The following MORC2 variants were observed in gnomAD, a reference collection of about 807,000 sequenced individuals.
MORC2 encodes the protein ATPase MORC2.
In MORC2, 30 loss-of-function variants were observed where a neutral mutation model predicts 136.0. That is an observed-to-expected ratio of 0.22 (90% CI 0.17 to 0.30). The LOEUF (loss-of-function observed/expected upper bound fraction) is 0.30, where lower values mean the gene tolerates loss of function less well. Ranked by LOEUF, MORC2 falls within the 10% of genes least tolerant of loss-of-function variation. MORC2 has a pLI of 1.00. For missense variants in MORC2, 922 were observed against 1,333.1 expected (o/e 0.69, Z 4.80); for synonymous variants, 439 against 487.0 (o/e 0.90, Z 1.30).
At chr22:30,949,018 A>ACACATTT (rs1244869311) in intron 5 of MORC2, among the ~76,000 whole-genome samples, 4 of 152,134 alleles carry the variant, frequency 2.6e-5, no homozygotes, top group African/African-American at 7.2e-5. Flanking sequence ...AAACAAAACA[A>ACACATTT]CACATTTCCA....
rs1020313674 is a variant in MORC2 at position 30,940,713 on chromosome 22, C to T, written c.904+45G>A. Reference sequence around the variant, plus strand: ...CCCACTTTGCCCACAAGCAGCATACCCCAGATGCACACCCCCCCAACTCCT... The same window carrying T: ...CCCACTTTGCCCACAAGCAGCATACTCCAGATGCACACCCCCCCAACTCCT... On this transcript the variant is annotated intron_variant, in intron 10 of 25. Transcript: ENST00000397641. The T allele has an allele frequency of 1.9e-6, 3 of 1,560,598 alleles. No homozygotes were observed. The African/African-American group carries it at 4.1e-5, about 21-fold the overall frequency.
intron 5 of MORC2, among the ~76,000 whole-genome samples, chr22:30,949,351 T>C (rs2040858590): frequency 6.6e-6 from 1 of 152,204 alleles, no homozygotes; most frequent in African/African-American, 2.4e-5. Context: ...GCACAAAGCA[T>C]GACATGCAGC....
At chr22:30,929,662 G>C (rs1360308298) in intron 24 of MORC2, among the ~76,000 whole-genome samples, 1 of 151,474 alleles carries the variant, frequency 6.6e-6, no homozygotes, top group Non-Finnish European at 1.5e-5. Context: ...GCAGGAGGCT[G>C]AGGCAGGAGA....
intron 17 of MORC2, among the ~76,000 whole-genome samples, chr22:30,935,738 G>A (rs2040643065): frequency 6.6e-6 from 1 of 152,004 alleles, no homozygotes; most frequent in South Asian, 2.1e-4. Flanking sequence ...AAATGGTTGT[G>A]TACTAAATAT....
intron 7 of MORC2, 42 bp from the exon 8 acceptor site, chr22:30,942,044 C>T (rs1451007557): frequency 1.2e-6 from 2 of 1,609,904 alleles, no homozygotes; most frequent in Middle Eastern, 3.3e-4. Context: ...TCCCCCGGCC[C>T]ACCCCCACAC....
At chr22:30,936,426 G>A in intron 17 of MORC2, 85 bp downstream of exon 17, 1 of 1,552,472 alleles carries the variant, frequency 6.4e-7, no homozygotes, top group African/African-American at 1.4e-5. Flanking sequence ...CTGAGCCTGA[G>A]GGAACAGGAA....
At chr22:30,930,019 A>T (rs536604262) in intron 24 of MORC2, 1 of 152,120 alleles carries the variant, frequency 6.6e-6, no homozygotes, top group Non-Finnish European at 1.5e-5. Context: ...CATCTGGCTA[A>T]TATTTTTTGT....
rs1193305312 is a variant in MORC2 at position 30,933,458 on chromosome 22, C to T, written c.2380+8G>A. ...GCCACAGGCTGCCAAGTCACTCCCC[C>T]AGCTCACCTTTCTGAGCTCTCTTGA... On this transcript the variant is annotated splice_region_variant and intron_variant, in intron 21 of 25. Coordinates refer to ENST00000397641, the MANE Select transcript of MORC2 (RefSeq NM_001303256.3). 3.1e-6 allele frequency: 5 copies of T among 1,613,664 alleles called. No homozygotes were observed. In the African/African-American group the frequency reaches 5.3e-5, roughly 17 times the overall value.
rs1368116984 is a variant in MORC2, at chr22:30,940,015, T to C, written c.931A>G (p.Ser311Gly). The change falls in exon 11 of 26, where the codon AGC becomes GGC. Residue 311 changes from serine (S) to glycine (G), a missense_variant. Ser to Gly is a moderately conservative substitution (Grantham distance 56). Around this residue, in one of 9 missense-constraint regions of MORC2, gnomAD observed 261 missense variants for 354.3 expected, o/e 0.74. Transcript: ENST00000397641. Reference sequence around the variant, plus strand: ...CGTACTTCTAATGTCCGAGCTTTGCTCTCTGCCTCCCGCGCCTTCTCTTCA... The same window carrying C: ...CGTACTTCTAATGTCCGAGCTTTGCCCTCTGCCTCCCGCGCCTTCTCTTCA... ...IAEEKAREAE[S>G]KARTLEVRLG... is the part of the protein sequence containing the mutation. 1.2e-6 allele frequency: 2 copies of C among 1,613,868 alleles called. No individual in the cohort carries two copies. Among genetic ancestry groups the C allele is most frequent in the Non-Finnish European group, 1.7e-6 (2 of 1,180,030 alleles).
chr22:30,935,125 G>C lies in MORC2; in HGVS notation c.1849C>G (p.Pro617Ala). 6.2e-7 allele frequency: 1 copy of C among 1,613,612 alleles called. No individual in the cohort carries two copies. Among genetic ancestry groups the C allele is most frequent in the Non-Finnish European group, 8.5e-7 (1 of 1,179,792 alleles). ...GCGTTCCTGATCACAGCAGGTAAAG[G>C]GGGCGACCGAGGACGCTGAGGTCTA... ...VRRPQRPRSP[P>A]LPAVIRNAPS... Residue 617 changes from proline to alanine, a missense_variant, in exon 19 of 26, where the codon CCT (proline) becomes GCT (alanine). Physicochemically the swap from Pro to Ala is conservative, Grantham distance 27. This residue lies in a region of MORC2 where 184 missense variants were observed against 180.3 expected (regional missense o/e 1.02). Transcript: ENST00000397641.
At chr22:30,939,898 T>A (rs996091667) in intron 11 of MORC2, 61 bp downstream of exon 11, 17 of 1,546,800 alleles carry the variant, frequency 1.1e-5, no homozygotes, top group Non-Finnish European at 1.5e-5. Flanking sequence ...ACCAGGCTCA[T>A]GGGACATGGG....
intron 24 of MORC2, among the ~76,000 whole-genome samples, chr22:30,929,021 G>A (rs867137298): frequency 7.2e-5 from 11 of 152,190 alleles, no homozygotes; most frequent in East Asian, 3.8e-4. Context: ...GTTTACTTCT[G>A]TAAAGATGCA....
At chr22:30,931,691 A>C (rs2040577864) in intron 24 of MORC2, among the ~76,000 whole-genome samples, 1 of 152,176 alleles carries the variant, frequency 6.6e-6, no homozygotes, top group African/African-American at 2.4e-5. Flanking sequence ...CTTCCAACTC[A>C]GTTGCTCTCT....
Position 30,934,838 on chromosome 22 carries a change from G to C in MORC2, c.2136C>G (p.Pro712=), listed in dbSNP as rs1226210393. The C allele has an allele frequency of 6.2e-7, 1 of 1,614,026 alleles. No homozygotes were observed. Among genetic ancestry groups the C allele is most frequent in the Non-Finnish European group, 8.5e-7 (1 of 1,180,022 alleles). The change falls in exon 19 of 26, where the codon CCC becomes CCG. Residue 712 remains proline (P), a synonymous_variant. Transcript: ENST00000397641. This position sits in a 1 kb window ranked among gnomAD's most constrained non-coding sequence, Gnocchi z 4.4. The part of the protein sequence containing the change: ...NSKSPREVPS[P]KVIKTPVVKK... ...TCACCACTGGAGTCTTGATGACTTT[G>C]GGAGAAGGAACCTCCCGAGGGCTCT...
At chr22:30,939,566 A>T in intron 12 of MORC2, 55 bp downstream of exon 12, 2 of 1,560,874 alleles carry the variant, frequency 1.3e-6, no homozygotes, top group Non-Finnish European at 1.8e-6. Flanking sequence ...CCTGTCAATA[A>T]TCAGTCCAAA....
intron 24 of MORC2, among the ~76,000 whole-genome samples, chr22:30,931,481 C>T (rs1223870778): frequency 6.6e-6 from 1 of 152,236 alleles, no homozygotes; most frequent in Non-Finnish European, 1.5e-5. Flanking sequence ...CTGTCCTCTT[C>T]ATACAGAGTT....
chr22:30,958,731 A>G lies in MORC2; in HGVS notation c.69-37T>C, dbSNP rs531257898. Reference sequence around the variant, plus strand: ...AATACTAAAAGTCAGCAAAAGAATTATTGAAGTTATAATTCCTAATAAAAA... The same window carrying G: ...AATACTAAAAGTCAGCAAAAGAATTGTTGAAGTTATAATTCCTAATAAAAA... On this transcript the variant is annotated intron_variant, in intron 1 of 25. Transcript: ENST00000397641. The G allele has an allele frequency of 6.6e-5, 98 of 1,481,640 alleles. No homozygotes were observed. The East Asian group carries it at 2.0e-3, about 31-fold the overall frequency. 91.8% of individuals were successfully genotyped at this position (1,481,640 alleles called of 1,614,324 possible). A position where few individuals can be genotyped will look rare whatever the true frequency, so the allele number is the denominator to read the frequency against.
At chr22:30,946,575 T>A in intron 5 of MORC2, 126 bp from the exon 6 acceptor site, 1 of 710,812 alleles carries the variant, frequency 1.4e-6, no homozygotes, top group Non-Finnish European at 2.3e-6. Context: ...CCCCCCCAGG[T>A]CCCAGGACTG....
At chr22:30,927,835 G>T (rs1170865430) in intron 25 of MORC2, among the ~76,000 whole-genome samples, 184 bp downstream of exon 25, 2 of 152,248 alleles carry the variant, frequency 1.3e-5, no homozygotes, top group Non-Finnish European at 2.9e-5. Context: ...CTATGGGTCT[G>T]GCTGGGCTGA....
Sources: allele counts gnomAD v4.1 joint callset (sites outside exome capture counted in the v4.1 genomes callset), GRCh38; gene constraint gnomAD v4.1.1; regional missense constraint gnomAD v4.1.1; non-coding constraint Gnocchi (gnomAD v3.1); transcripts MANE v1.5; gene names NCBI Gene and HGNC (gene_info 2026-07-23, HGNC 2026-07-21).